Variants in SENP5 observed in about 807,000 individuals in gnomAD.
SENP5 encodes SUMO specific peptidase 5.
In SENP5, 21 loss-of-function variants were observed where a neutral mutation model predicts 74.2. The observed-to-expected ratio is 0.28, with a 90% CI of 0.20 to 0.41. The LOEUF (loss-of-function observed/expected upper bound fraction) is 0.41. Ranked by LOEUF, SENP5 falls within the 10% of genes least tolerant of loss-of-function variation. The pLI, the probability that SENP5 is intolerant of heterozygous loss-of-function variation, is 1.00. For missense variants in SENP5, 717 were observed against 889.1 expected, an observed-to-expected ratio of 0.81 and a Z score of 2.46; for synonymous variants, 311 against 312.7, an observed-to-expected ratio of 0.99 and a Z score of 0.06.
At chr3:196,919,658 T>G (rs1715529900) in intron 6 of SENP5, among the ~76,000 whole-genome samples, 1 of 152,084 alleles carries the variant, frequency 6.6e-6, no homozygotes, top group African/African-American at 2.4e-5. Flanking sequence ...CTGGGTGTGG[T>G]GGAGCATGCC....
chr3:196,894,773 C>A (rs866423881), intron 2 of SENP5, among the ~76,000 whole-genome samples: 1 of 152,020 alleles, frequency 6.6e-6, no homozygotes, highest in Non-Finnish European at 1.5e-5. Context: ...TAATTCTTTT[C>A]AAAAATTTCT....
chr3:196,880,822 G>A (rs1713693985), intron 1 of SENP5, among the ~76,000 whole-genome samples: 1 of 151,920 alleles, frequency 6.6e-6, no homozygotes, highest in Admixed American at 6.6e-5. Context: ...TGTATTTTTA[G>A]TAGAGACAGG....
chr3:196,930,391 A>G (rs985623350), intron 9 of SENP5, among the ~76,000 whole-genome samples: 1 of 152,214 alleles, frequency 6.6e-6, no homozygotes, highest in African/African-American at 2.4e-5. Flanking sequence ...CAAGCCATGC[A>G]CTAGCTTGGT....
At chr3:196,881,135 A>T (rs776618538) in intron 1 of SENP5, among the ~76,000 whole-genome samples, 1 of 151,720 alleles carries the variant, frequency 6.6e-6, no homozygotes, top group Non-Finnish European at 1.5e-5. Flanking sequence ...CTTTGTAGAG[A>T]TGGGGTTTCA....
chr3:196,893,549 G>A (rs889126661), intron 2 of SENP5, among the ~76,000 whole-genome samples: 1 of 152,146 alleles, frequency 6.6e-6, no homozygotes, highest in African/African-American at 2.4e-5. Flanking sequence ...TTACAATACA[G>A]TATGCATTTT....
intron 1 of SENP5, among the ~76,000 whole-genome samples, chr3:196,883,383 T>A (rs993958936): frequency 2.0e-5 from 3 of 152,162 alleles, no homozygotes; most frequent in Non-Finnish European, 4.4e-5. Context: ...ATAGAGCTTC[T>A]TGCCAGTCTT....
Position 196,899,984 on chromosome 3 carries a change from C to T in SENP5, c.1680C>T (p.Phe560=). Residue 560 remains phenylalanine (F), a synonymous_variant, in exon 4 of 10, where the codon TTC becomes TTT. Transcript: ENST00000323460. Reference sequence around the variant, plus strand: ...GGGCCAGACATCAAAAATGTAACTTCCGTATCTTCTATAATAAACACATGC... The same window carrying T: ...GGGCCAGACATCAAAAATGTAACTTTCGTATCTTCTATAATAAACACATGC... The part of the protein sequence containing the change: ...NYRARHQKCN[F]RIFYNKHMLD... The T allele has an allele frequency of 6.2e-7, 1 of 1,614,096 alleles. No homozygotes were observed. Among genetic ancestry groups the T allele is most frequent in the Non-Finnish European group, 8.5e-7 (1 of 1,180,016 alleles).
At chr3:196,917,534 G>T (rs1360118394) in intron 6 of SENP5, among the ~76,000 whole-genome samples, 1 of 152,050 alleles carries the variant, frequency 6.6e-6, no homozygotes, top group Non-Finnish European at 1.5e-5. Flanking sequence ...ACTCCCAAAG[G>T]TTGAGGATAA....
In SENP5 at chr3:196,899,784, T is replaced by C. The variant is rs1203422432; in HGVS notation, c.1619+13T>C. Reference sequence around the variant, plus strand: ...ACTTTTCTAATAGGTATATAAATGATGCTAAAGTTAAGCCCTTGAAAATAA... The same window carrying C: ...ACTTTTCTAATAGGTATATAAATGACGCTAAAGTTAAGCCCTTGAAAATAA... On this transcript the variant is annotated intron_variant, in intron 3 of 9. Transcript: ENST00000323460. The C allele has an allele frequency of 6.4e-7, 1 of 1,556,678 alleles. No homozygotes were observed. The highest frequency in any genetic ancestry group is 8.8e-7 in the Non-Finnish European group (1 of 1,131,944).
At position 196,932,556 on chromosome 3, in the gene SENP5, TTCAAG is replaced by T; in HGVS notation, c.*1636_*1640del. 3.9e-5 allele frequency: 6 copies of T among 152,208 alleles called. 1 individual carries two copies. In the South Asian group the frequency reaches 1.2e-3, roughly 32 times the overall value. 9.4% of individuals were successfully genotyped at this position (152,208 alleles called of 1,614,324 possible). On this transcript the variant is annotated 3_prime_UTR_variant, in exon 10 of 10. Transcript: ENST00000323460. ...ACCAGGTCAGTGTTTCTTACTGTGT[TTCAAG>T]TCGTTAAAAAGACTGAGAGTAGAGG... is the stretch of plus-strand genomic sequence containing the variant.
intron 2 of SENP5, among the ~76,000 whole-genome samples, chr3:196,888,687 A>G (rs376861127): frequency 1.3e-5 from 2 of 152,144 alleles, no homozygotes; most frequent in Non-Finnish European, 2.9e-5. Context: ...GTGTGAGTAT[A>G]TATGTGTGCA....
intron 8 of SENP5, chr3:196,929,153 G>A (rs759594726): frequency 3.3e-5 from 5 of 153,558 alleles, no homozygotes; most frequent in South Asian, 4.1e-4. Flanking sequence ...AGACCCTGTC[G>A]CGAAAAACCC....
intron 1 of SENP5, among the ~76,000 whole-genome samples, chr3:196,870,785 G>A (rs376429979): frequency 4.0e-5 from 6 of 151,876 alleles, no homozygotes; most frequent in African/African-American, 1.2e-4. Flanking sequence ...CCCAAAGCGC[G>A]GGGATTACAG....
At chr3:196,916,612 C>G (rs1356897921) in intron 6 of SENP5, among the ~76,000 whole-genome samples, 1 of 151,478 alleles carries the variant, frequency 6.6e-6, no homozygotes, top group African/African-American at 2.4e-5. Flanking sequence ...ACTGCAACCT[C>G]CATCTCCCAG....
At chr3:196,873,373 C>T in intron 1 of SENP5, among the ~76,000 whole-genome samples, 1 of 151,666 alleles carries the variant, frequency 6.6e-6, no homozygotes. Flanking sequence ...GCGCCCGGCC[C>T]CAGCCGAGAC....
In SENP5 at chr3:196,932,274, G is replaced by A. The variant is rs1716064642; in HGVS notation, c.*1351G>A. On this transcript the variant is annotated 3_prime_UTR_variant, in exon 10 of 10. Transcript: ENST00000323460. Reference sequence around the variant, plus strand: ...AACCAATGTATGTATGAGAAACTCAGAAGTCTGAATAGAAAAACAAAGTAA... The same window carrying A: ...AACCAATGTATGTATGAGAAACTCAAAAGTCTGAATAGAAAAACAAAGTAA... 1 of 154,494 alleles carries A rather than the reference G, an allele frequency of 6.5e-6. No individual in the cohort carries two copies. Among genetic ancestry groups the A allele is most frequent in the South Asian group, 1.9e-4 (1 of 5,142 alleles). The allele number at this position is 154,494 out of a possible 1,614,324, so 9.6% of individuals were successfully genotyped here.
At chr3:196,910,949 C>T (rs1257526725) in intron 6 of SENP5, among the ~76,000 whole-genome samples, 3 of 152,072 alleles carry the variant, frequency 2.0e-5, no homozygotes, top group Non-Finnish European at 4.4e-5. Flanking sequence ...CATTGACAAA[C>T]CCGACAAAAG....
chr3:196,886,330 TACC>T lies in SENP5; in HGVS notation c.1151_1153del (p.Thr384del), dbSNP rs144853607. ...TCCCCTTACCAGAACATCGTTCTAA[TACC>T]ATGTTCATTTCAGAAACTGAAAGAG... is the stretch of plus-strand genomic sequence containing the variant. On this transcript the variant is annotated inframe_deletion, in exon 2 of 10. Transcript: ENST00000323460. 1,636 of 1,613,932 alleles carry T rather than the reference TACC, an allele frequency of 1.0e-3. 44 individuals carry two copies. The East Asian group carries it at 0.035, about 34-fold the overall frequency.
chr3:196,927,499 G>A (rs1461518201), intron 7 of SENP5, among the ~76,000 whole-genome samples: 2 of 152,116 alleles, frequency 1.3e-5, no homozygotes, highest in Non-Finnish European at 2.9e-5. Context: ...AGCCGGGAGC[G>A]GTGGTGTACA....
Sources: allele counts gnomAD v4.1 joint callset (sites outside exome capture counted in the v4.1 genomes callset), GRCh38; gene constraint gnomAD v4.1.1; transcripts MANE v1.5; gene names NCBI Gene and HGNC (gene_info 2026-07-23, HGNC 2026-07-21).